Variants in NFX1 observed in about 807,000 individuals in gnomAD.
NFX1 encodes the protein nuclear transcription factor, X-box binding 1, also known as transcriptional repressor NF-X1.
Under a neutral mutation model 137.2 loss-of-function variants are expected in NFX1, and 69 were observed. That is an observed-to-expected ratio of 0.50 (90% CI 0.41 to 0.61). The LOEUF (loss-of-function observed/expected upper bound fraction) is 0.61, where lower values mean the gene tolerates loss of function less well. Ranked by LOEUF, NFX1 falls within the 20% of genes least tolerant of loss-of-function variation. The pLI is 0.00. For synonymous variants in NFX1, 495 were observed against 474.1 expected, an observed-to-expected ratio of 1.04 and a Z score of -0.57; for missense variants, 1,167 against 1,391.0, an observed-to-expected ratio of 0.84 and a Z score of 2.56.
At chr9:33,301,531 G>T (rs560882763) in intron 3 of NFX1, 110 bp downstream of exon 3, 5 of 1,187,418 alleles carry the variant, frequency 4.2e-6, no homozygotes, top group Non-Finnish European at 4.7e-6. Flanking sequence ...TACTTTTTCT[G>T]CAGGGAGAGT....
At chr9:33,300,336 T>TA (rs1821512003) in intron 2 of NFX1, among the ~76,000 whole-genome samples, 1 of 152,162 alleles carries the variant, frequency 6.6e-6, no homozygotes, top group African/African-American at 2.4e-5. Flanking sequence ...GTGCTGGTAT[T>TA]ACAGGTGTAA....
intron 9 of NFX1, among the ~76,000 whole-genome samples, chr9:33,324,560 GA>G (rs1822507692): frequency 6.6e-6 from 1 of 152,056 alleles, no homozygotes; most frequent in Non-Finnish European, 1.5e-5. Flanking sequence ...AAAGGAAGAA[GA>G]AAACTTCATT....
chr9:33,299,250 T>G (rs1183908022), intron 2 of NFX1, among the ~76,000 whole-genome samples: 1 of 152,202 alleles, frequency 6.6e-6, no homozygotes, highest in African/African-American at 2.4e-5. Context: ...TCTGCCAATG[T>G]CCTTTTTCTG....
At chr9:33,352,983 G>A (rs1350684818) in intron 17 of NFX1, 6 of 344,722 alleles carry the variant, frequency 1.7e-5, no homozygotes, top group Non-Finnish European at 2.1e-5. Flanking sequence ...TCCCAGGCTG[G>A]TCTCCCACCT....
Position 33,319,261 on chromosome 9 carries a change from A to T in NFX1, c.1906+134A>T, listed in dbSNP as rs1017078498. 5.3e-6 allele frequency: 4 copies of T among 755,626 alleles called. No individual in the cohort carries two copies. In the African/African-American group the frequency reaches 7.0e-5, roughly 13 times the overall value. 46.8% of individuals were successfully genotyped at this position (755,626 alleles called of 1,614,324 possible). ...CTAAATATTATGATCATATTTATGT[A>T]GGTACGTTTTCTTTCCTCCTCAACA... On this transcript the variant is annotated intron_variant, in intron 9 of 23. Transcript: ENST00000379540.
At chr9:33,363,860 A>C (rs556621793) in intron 19 of NFX1, 150 bp from the exon 20 acceptor site, 5 of 468,450 alleles carry the variant, frequency 1.1e-5, no homozygotes, top group Non-Finnish European at 3.7e-6. Context: ...TCATGTCCCA[A>C]GTTGTTGTTA....
At chr9:33,294,391 T>C in intron 1 of NFX1, 29 bp from the exon 2 acceptor site, 2 of 1,522,880 alleles carry the variant, frequency 1.3e-6, no homozygotes, top group Non-Finnish European at 1.8e-6. Flanking sequence ...TTAATCTCTT[T>C]ACTGGCATGT....
intron 7 of NFX1, among the ~76,000 whole-genome samples, chr9:33,314,142 C>G (rs1372818226): frequency 1.3e-5 from 2 of 152,054 alleles, no homozygotes; most frequent in East Asian, 3.9e-4. Flanking sequence ...TGCTATCACG[C>G]CTTGCTAATT....
At chr9:33,295,505 T>C in intron 2 of NFX1, 78 bp downstream of exon 2, 3 of 1,414,584 alleles carry the variant, frequency 2.1e-6, no homozygotes, top group Middle Eastern at 1.9e-4. Flanking sequence ...TCACATAATT[T>C]AGAAAGCAGA....
intron 19 of NFX1, among the ~76,000 whole-genome samples, chr9:33,357,398 G>C (rs1457175163): frequency 1.3e-5 from 2 of 152,184 alleles, no homozygotes; most frequent in Admixed American, 1.3e-4. Flanking sequence ...GTATCACACT[G>C]TCTTAATTAC....
At chr9:33,326,437 A>G (rs1038918279) in intron 9 of NFX1, among the ~76,000 whole-genome samples, 52 of 148,338 alleles carry the variant, frequency 3.5e-4, no homozygotes, top group African/African-American at 1.2e-3. Flanking sequence ...AAAAAAAAAA[A>G]GCTGGGCACT....
chr9:33,311,091 A>G lies in NFX1; in HGVS notation c.1377-15A>G. 1 of 1,613,908 alleles carries G rather than the reference A, an allele frequency of 6.2e-7. No homozygotes were observed. On this transcript the variant is annotated splice_polypyrimidine_tract_variant and intron_variant, in intron 5 of 23. Coordinates refer to ENST00000379540, the MANE Select transcript of NFX1 (RefSeq NM_002504.6). ...ACATGGCTGTGGTTTATTCAGTGAA[A>G]CCTTTCTCTTTCAGTCTCTGCCATC...
rs140401733 is a variant in NFX1, at chr9:33,333,883, G to A, written c.2035+1381G>A. On this transcript the variant is annotated intron_variant, in intron 11 of 23. Coordinates refer to ENST00000379540, the MANE Select transcript of NFX1 (RefSeq NM_002504.6). Reference sequence around the variant, plus strand: ...TTTGGGTCCAAGCCTGGTGGCTCATGCCTGTAATCCCAGCACTTTGGGAGG... The same window carrying A: ...TTTGGGTCCAAGCCTGGTGGCTCATACCTGTAATCCCAGCACTTTGGGAGG... 5.9e-5 allele frequency among the ~76,000 whole-genome samples: 9 copies of A among 152,366 alleles called. No individual in the cohort carries two copies. In the East Asian group the frequency reaches 1.7e-3, roughly 29 times the overall value.
At chr9:33,333,333 G>C (rs1489955942) in intron 11 of NFX1, among the ~76,000 whole-genome samples, 1 of 152,148 alleles carries the variant, frequency 6.6e-6, no homozygotes, top group African/African-American at 2.4e-5. Flanking sequence ...TTACGATAAG[G>C]GTGTTTACTG....
chr9:33,311,326 A>G, intron 6 of NFX1, 149 bp downstream of exon 6: 2 of 776,434 alleles, frequency 2.6e-6, no homozygotes, highest in Middle Eastern at 2.7e-4. Flanking sequence ...AAAGTTTATT[A>G]AAAAGCTTTA....
intron 12 of NFX1, among the ~76,000 whole-genome samples, chr9:33,341,736 C>T (rs2118569688): frequency 6.6e-6 from 1 of 152,196 alleles, no homozygotes; most frequent in South Asian, 2.1e-4. Context: ...TCAAGGCCAG[C>T]CTTGGCAACA....
Position 33,367,625 on chromosome 9 carries a change from A to G in NFX1, c.3290+6A>G, listed in dbSNP as rs1166963980. 1.5e-5 allele frequency: 24 copies of G among 1,612,984 alleles called. No individual in the cohort carries two copies. Among genetic ancestry groups the G allele is most frequent in the African/African-American group, 2.7e-5 (2 of 74,906 alleles). ...CACAGACATCAGTCAGACAAGTAAG[A>G]TTCTCCAGCTGCTTTCCAAGGGGAC... On this transcript the variant is annotated splice_donor_region_variant and intron_variant, in intron 23 of 23. Transcript: ENST00000379540.
intron 11 of NFX1, among the ~76,000 whole-genome samples, chr9:33,334,626 C>T (rs950531779): frequency 2.6e-5 from 4 of 152,094 alleles, no homozygotes; most frequent in African/African-American, 9.7e-5. Flanking sequence ...TATAAACATG[C>T]CAGCATAGTT....
At position 33,366,680 on chromosome 9, in the gene NFX1, C is replaced by A; in HGVS notation, c.3091C>A (p.Arg1031Ser). 6.2e-7 allele frequency: 1 copy of A among 1,614,134 alleles called. No individual in the cohort carries two copies. Among genetic ancestry groups the A allele is most frequent in the Non-Finnish European group, 8.5e-7 (1 of 1,180,024 alleles). ...HSFPPMNRDH[R>S]RIIHDLAQVY... ...CTTCCCTCCCATGAACAGAGACCAC[C>A]GCCGGATCATCCATGACTTGGCCCA... is the stretch of plus-strand genomic sequence containing the variant. Residue 1031 changes from arginine to serine, a missense_variant, in exon 22 of 24, where the codon CGC (arginine) becomes AGC (serine). Arg to Ser is a moderately radical substitution (Grantham distance 110). Around this residue, in one of 3 missense-constraint regions of NFX1, gnomAD observed 312 missense variants for 312.8 expected, o/e 1.00. Transcript: ENST00000379540.
Sources: allele counts gnomAD v4.1 joint callset (sites outside exome capture counted in the v4.1 genomes callset), GRCh38; gene constraint gnomAD v4.1.1; regional missense constraint gnomAD v4.1.1; transcripts MANE v1.5; gene names NCBI Gene and HGNC (gene_info 2026-07-23, HGNC 2026-07-21).